PABIR2: variants seen among roughly 807,000 people sequenced by gnomAD.
The protein encoded by PABIR2 is PABIR family member 2.
PABIR2 carries 7 observed loss-of-function variants against 22.8 expected under a neutral mutation model. The ratio of observed to expected loss-of-function variants is 0.31; its 90% CI spans 0.17 to 0.58. The LOEUF (loss-of-function observed/expected upper bound fraction) is 0.58, where lower values mean the gene tolerates loss of function less well. PABIR2 is among the 20% of genes least tolerant of loss of function. The probability of loss-of-function intolerance (pLI) is 0.89; values close to 1 mark genes in which losing one functional copy is unlikely to be tolerated. For synonymous variants in PABIR2, 67 were observed against 73.8 expected, an observed-to-expected ratio of 0.91 and a Z score of 0.47; for missense variants, 155 against 205.1, an observed-to-expected ratio of 0.76 and a Z score of 1.49.
chrX:134,781,597 G>A (rs2079157622), intron 9 of PABIR2, among the ~76,000 whole-genome samples: 1 of 111,630 alleles, frequency 9.0e-6, no homozygotes, highest in Non-Finnish European at 1.9e-5. Context: ...TGCTATTAAC[G>A]AAGCACCTGT....
chrX:134,789,424 A>G (rs2079480488), intron 3 of PABIR2, 156 bp downstream of exon 3: 3 of 836,115 alleles, frequency 3.6e-6, no homozygotes, highest in Admixed American at 5.2e-5. Flanking sequence ...TGGAACATTC[A>G]TGCCGCTTGT....
intron 9 of PABIR2, among the ~76,000 whole-genome samples, chrX:134,773,947 C>T (rs1417815262): frequency 8.9e-6 from 1 of 111,955 alleles, no homozygotes; most frequent in African/African-American, 3.2e-5. Flanking sequence ...CCTTGCTTCT[C>T]TACTCTTCTG....
chrX:134,780,180 G>A (rs1342815461), intron 9 of PABIR2, among the ~76,000 whole-genome samples: 1 of 112,783 alleles, frequency 8.9e-6, no homozygotes, highest in East Asian at 2.8e-4. Flanking sequence ...TTGGGAAGAA[G>A]GGATCATCCA....
chrX:134,789,072 G>A lies in PABIR2; in HGVS notation c.333+13C>T, dbSNP rs772981554. ...TAGAAAATGAAAACCAAACAGACAT[G>A]AGCAAACTTTACCAGGCTCAAGCTC... is the stretch of plus-strand genomic sequence containing the variant. On this transcript the variant is annotated intron_variant, in intron 5 of 9. Transcript: ENST00000343004. 2 of 1,209,905 alleles carry A rather than the reference G, an allele frequency of 1.7e-6. No homozygotes were observed. Among genetic ancestry groups the A allele is most frequent in the African/African-American group, 1.7e-5 (1 of 57,216 alleles).
Position 134,788,470 on chromosome X carries a change from T to A in PABIR2, c.435+260A>T, listed in dbSNP as rs760800664. Among the ~76,000 whole-genome samples the A allele has an allele frequency of 1.0e-4, 10 of 99,587 alleles. No homozygotes were observed. In the East Asian group the frequency reaches 1.4e-3, roughly 14 times the overall value. The allele number at this position is 99,587 out of a possible 115,157, so 86.5% of individuals were successfully genotyped here. A position where few individuals can be genotyped will look rare whatever the true frequency, so the allele number is the denominator to read the frequency against. On this transcript the variant is annotated intron_variant, in intron 6 of 9. Transcript: ENST00000343004. The stretch of plus-strand genomic sequence containing the variant: ...TGTGTTATATATGTTATATATGTGT[T>A]ATATATACGTTATATATGTAATATA...
chrX:134,793,016 C>T (rs1034746404), intron 2 of PABIR2, among the ~76,000 whole-genome samples: 1 of 111,955 alleles, frequency 8.9e-6, no homozygotes, highest in Non-Finnish European at 1.9e-5. Flanking sequence ...CCCTTGCTAG[C>T]AGCTATTAGT....
intron 8 of PABIR2, among the ~76,000 whole-genome samples, chrX:134,784,187 C>T (rs1351758221): frequency 9.3e-6 from 1 of 107,409 alleles, no homozygotes; most frequent in Non-Finnish European, 1.9e-5. Flanking sequence ...CCTGTGTTGC[C>T]GGCTGGGCGT....
intron 8 of PABIR2, among the ~76,000 whole-genome samples, chrX:134,784,553 C>T (rs780288148): frequency 5.2e-4 from 57 of 108,936 alleles, no homozygotes; most frequent in African/African-American, 1.8e-3. Flanking sequence ...TCTCGGCTCA[C>T]TGCAACCTCT....
intron 8 of PABIR2, among the ~76,000 whole-genome samples, chrX:134,782,205 G>C (rs376577809): frequency 8.9e-6 from 1 of 111,791 alleles, no homozygotes; most frequent in South Asian, 3.7e-4. Context: ...ATGAAGCAAG[G>C]CTGACCACAG....
At chrX:134,793,156 T>G (rs1171868749) in intron 2 of PABIR2, among the ~76,000 whole-genome samples, 1 of 112,049 alleles carries the variant, frequency 8.9e-6, no homozygotes, top group African/African-American at 3.2e-5. Context: ...AATAAACCGA[T>G]GAACCTCTGT....
At chrX:134,778,542 T>C (rs2079066622) in intron 9 of PABIR2, among the ~76,000 whole-genome samples, 1 of 109,149 alleles carries the variant, frequency 9.2e-6, no homozygotes, top group African/African-American at 3.3e-5. Flanking sequence ...TAAAAATCTC[T>C]TAATTATAGG....
Position 134,772,232 on chromosome X carries a change from C to A in PABIR2, c.711G>T (p.Pro237=), listed in dbSNP as rs1245364579. 2 of 1,204,380 alleles carry A rather than the reference C, an allele frequency of 1.7e-6. No homozygotes were observed. The highest frequency in any genetic ancestry group is 3.0e-5 in the East Asian group (1 of 33,595). Residue 237 remains proline, a synonymous_variant, in exon 10 of 10, where the codon CCG becomes CCT. Coordinates refer to ENST00000343004, the MANE Select transcript of PABIR2 (RefSeq NM_001387468.1). ...CTGCGGTAGCGCTGCCTTTAGCCAG[C>A]GGGTCTGAGGATAAGCCACTGCTGC... ...SSSSSGLSSD[P]LAKGSATAES...
chrX:134,778,169 C>A, intron 9 of PABIR2, among the ~76,000 whole-genome samples: 1 of 99,480 alleles, frequency 1.0e-5, no homozygotes, highest in African/African-American at 3.6e-5. Context: ...GTTGGGATTA[C>A]AGGCGTGAGC....
rs1010703637 is a variant in PABIR2 at position 134,796,999 on chromosome X, C to G, written c.-794G>C. ...CGGTGCTTCTCCCCTCCCTGCCCCC[C>G]TCCCGCCTCGAGGACAGGTTGGGGG... On this transcript the variant is annotated 5_prime_UTR_variant, in exon 1 of 10. Transcript: ENST00000343004. 8.8e-6 allele frequency: 1 copy of G among 113,267 alleles called. No individual in the cohort carries two copies. Among genetic ancestry groups the G allele is most frequent in the African/African-American group, 3.2e-5 (1 of 31,081 alleles). 9.3% of individuals were successfully genotyped at this position (113,267 alleles called of 1,213,427 possible). A position where few individuals can be genotyped will look rare whatever the true frequency, so the allele number is the denominator to read the frequency against.
chrX:134,789,449 C>T (rs752692070), intron 3 of PABIR2, 131 bp downstream of exon 3: 42 of 809,328 alleles, frequency 5.2e-5, no homozygotes, highest in Admixed American at 7.9e-5. Context: ...TTTATCTACA[C>T]GCTCCAGAAG....
chrX:134,795,990 C>T, intron 1 of PABIR2, 118 bp downstream of exon 1: 1 of 622,862 alleles, frequency 1.6e-6, no homozygotes, highest in South Asian at 3.2e-5. Flanking sequence ...CAAGTCGCCA[C>T]CCCCTCAGGT....
chrX:134,779,473 G>A (rs938415850), intron 9 of PABIR2, among the ~76,000 whole-genome samples: 22 of 111,462 alleles, frequency 2.0e-4, no homozygotes, highest in African/African-American at 6.5e-4. Flanking sequence ...CAATGTTGAC[G>A]TTCCCAGGGC....
At chrX:134,773,566 GTATTAAC>G (rs1460576603) in intron 9 of PABIR2, among the ~76,000 whole-genome samples, 3 of 94,450 alleles carry the variant, frequency 3.2e-5, no homozygotes, top group Non-Finnish European at 5.7e-5. Context: ...GGATGAGCAG[GTATTAAC>G]TAGTTAAGAT....
Position 134,771,585 on chromosome X carries a change from G to A in PABIR2, c.*554C>T. The A allele has an allele frequency of 4.4e-6, 4 of 915,879 alleles. No homozygotes were observed. The highest frequency in any genetic ancestry group is 5.4e-6 in the Non-Finnish European group (4 of 742,830). 75.5% of individuals were successfully genotyped at this position (915,879 alleles called of 1,213,427 possible). On this transcript the variant is annotated 3_prime_UTR_variant, in exon 10 of 10. Coordinates refer to ENST00000343004, the MANE Select transcript of PABIR2 (RefSeq NM_001387468.1). ...TATTTCTTCCCCTCTGTGAGAAATG[G>A]CATAAGCGGCTCAAACAGGAAAGGG...
Sources: gnomAD v4.1 joint callset for allele counts (sites outside exome capture counted in the v4.1 genomes callset) on GRCh38, gnomAD v4.1.1 for gene constraint, MANE v1.5 for transcripts, NCBI Gene and HGNC (gene_info 2026-07-23, HGNC 2026-07-21) for gene names.